The following ATM variants were observed in gnomAD, a reference collection of about 807,000 sequenced individuals.
ATM encodes serine-protein kinase ATM.
A neutral mutation model predicts 387.0 loss-of-function variants in ATM; 308 were observed. The observed-to-expected ratio is 0.80, with a 90% CI of 0.73 to 0.87. The LOEUF is 0.87. ATM is among the 40% of genes least tolerant of loss of function. The pLI, the probability that ATM is intolerant of heterozygous loss-of-function variation, is 0.00. For missense variants in ATM, 3,312 were observed against 3,560.9 expected (o/e 0.93, Z 1.78); for synonymous variants, 1,156 against 1,187.3 (o/e 0.97, Z 0.54).
At chr11:108,356,527 ACT>A (rs1250923138) in intron 61 of ATM, among the ~76,000 whole-genome samples, 1 of 141,152 alleles carries the variant, frequency 7.1e-6, no homozygotes, top group African/African-American at 2.6e-5. Flanking sequence ...CAAGAGCAAG[ACT>A]CTGTCTGTCT....
At chr11:108,360,167 C>T (rs2090543843) in intron 61 of ATM, among the ~76,000 whole-genome samples, 1 of 149,816 alleles carries the variant, frequency 6.7e-6, no homozygotes, top group Admixed American at 6.6e-5. Context: ...ACTACAAACA[C>T]CTCTACGCAA....
At chr11:108,356,526 G>T (rs1488959874) in intron 61 of ATM, among the ~76,000 whole-genome samples, 2 of 129,532 alleles carry the variant, frequency 1.5e-5, no homozygotes, top group Non-Finnish European at 3.2e-5. Flanking sequence ...ACAAGAGCAA[G>T]ACTCTGTCTG....
chr11:108,332,057 G>A lies in ATM; in HGVS notation c.7788+20G>A, dbSNP rs775245736. ...GATGAGGTATTTGGATTAAACATACGTACCTTTTAGAAGTGTGATATTCAG... is the reference window on the plus strand; with the variant it reads ...GATGAGGTATTTGGATTAAACATACATACCTTTTAGAAGTGTGATATTCAG... On this transcript the variant is annotated intron_variant, in intron 52 of 62. Transcript: ENST00000675843. The A allele has an allele frequency of 8.7e-6, 14 of 1,611,888 alleles. No individual in the cohort carries two copies. The highest frequency in any genetic ancestry group is 5.5e-5 in the South Asian group (5 of 90,966).
chr11:108,317,615 T>TTTTATA (rs1225638961), intron 43 of ATM, 94 bp downstream of exon 43: 1 of 211,244 alleles, frequency 4.7e-6, no homozygotes, highest in African/African-American at 4.6e-5. Context: ...AGGAGTTGTT[T>TTTTATA]TATATATATA....
chr11:108,262,339 A>T (rs947275580), intron 16 of ATM, among the ~76,000 whole-genome samples: 1 of 151,618 alleles, frequency 6.6e-6, no homozygotes, highest in Admixed American at 6.5e-5. Flanking sequence ...CAACATTCTT[A>T]AAGAAAAGAA....
chr11:108,362,508 A>G (rs1445021537), intron 61 of ATM, among the ~76,000 whole-genome samples: 2 of 149,788 alleles, frequency 1.3e-5, no homozygotes, highest in African/African-American at 4.9e-5. Context: ...ACGTATGTTT[A>G]TTGCGGCATT....
At chr11:108,226,524 C>T (rs1256668366) in intron 1 of ATM, 1 of 152,114 alleles carries the variant, frequency 6.6e-6, no homozygotes, top group East Asian at 1.9e-4. Flanking sequence ...GCTTCATTTC[C>T]TTTTAAAACA....
chr11:108,332,862 T>G lies in ATM; in HGVS notation c.7889T>G (p.Leu2630Ter). The change falls in exon 53 of 63, where the codon TTA becomes TGA. Residue 2630 changes from leucine (L) to a stop codon, truncating the protein, a stop_gained. Transcript: ENST00000675843. LOFTEE classifies it high-confidence loss of function. ...VEALCDAYII[L>*]ANLDATQWKT... ...GCACTTTGTGATGCTTATATTATAT[T>G]AGCAAACTTAGATGCCACTCAGTGG... is the stretch of plus-strand genomic sequence containing the variant. 6.2e-7 allele frequency: 1 copy of G among 1,612,770 alleles called. No individual in the cohort carries two copies. The highest frequency in any genetic ancestry group is 8.5e-7 in the Non-Finnish European group (1 of 1,179,262).
rs1386851404 is a variant in ATM, at chr11:108,297,109, T to C, written c.4910-178T>C. The C allele has an allele frequency of 1.9e-5, 11 of 587,566 alleles. No individual in the cohort carries two copies. In the East Asian group the frequency reaches 2.9e-4, roughly 15 times the overall value. 36.4% of individuals were successfully genotyped at this position (587,566 alleles called of 1,614,324 possible). Reference sequence around the variant, plus strand: ...ATTGCTAATCACTTTCAAAAGAATCTGTTGTATTAAGGAAGTTCAGATTCA... The same window carrying C: ...ATTGCTAATCACTTTCAAAAGAATCCGTTGTATTAAGGAAGTTCAGATTCA... On this transcript the variant is annotated intron_variant, in intron 32 of 62. Coordinates refer to ENST00000675843, the MANE Select transcript of ATM (RefSeq NM_000051.4).
At chr11:108,351,358 G>A (rs1307007044) in intron 59 of ATM, among the ~76,000 whole-genome samples, 2 of 152,140 alleles carry the variant, frequency 1.3e-5, no homozygotes, top group Admixed American at 1.3e-4. Flanking sequence ...TCACACTTGG[G>A]TGATTTGTAT....
In ATM at chr11:108,229,138, A is replaced by G. The variant is rs1191601006; in HGVS notation, c.186-40A>G. ...CTTTTGAAATTATTATAATTTAAGT[A>G]TTCAACGAGTTTCTGAAATTGCATT... On this transcript the variant is annotated intron_variant, in intron 3 of 62. Transcript: ENST00000675843. The G allele has an allele frequency of 1.3e-6, 2 of 1,580,268 alleles. No homozygotes were observed. Among genetic ancestry groups the G allele is most frequent in the South Asian group, 1.1e-5 (1 of 87,786 alleles).
intron 22 of ATM, among the ~76,000 whole-genome samples, chr11:108,273,462 C>T (rs913853464): frequency 6.7e-6 from 1 of 150,298 alleles, no homozygotes; most frequent in Non-Finnish European, 1.5e-5. Flanking sequence ...CTGCCTCATC[C>T]TCCTGAGTAG....
At chr11:108,348,251 A>T (rs2088710542) in intron 59 of ATM, among the ~76,000 whole-genome samples, 1 of 151,862 alleles carries the variant, frequency 6.6e-6, no homozygotes, top group Non-Finnish European at 1.5e-5. Flanking sequence ...AATATAAAAG[A>T]AAGAGAATAT....
intron 61 of ATM, among the ~76,000 whole-genome samples, chr11:108,362,561 A>T: frequency 6.8e-6 from 1 of 146,880 alleles, no homozygotes; most frequent in African/African-American, 2.7e-5. Flanking sequence ...AATGTCCAAC[A>T]ATGATAGACT....
intron 41 of ATM, 23 bp downstream of exon 41, chr11:108,315,934 A>G (rs2136123214): frequency 6.2e-7 from 1 of 1,607,010 alleles, no homozygotes; most frequent in Non-Finnish European, 8.5e-7. Flanking sequence ...TTTCTAAACA[A>G]CGGTATAGTA....
At chr11:108,334,049 TA>T in intron 54 of ATM, 81 bp downstream of exon 54, 1 of 1,132,174 alleles carries the variant, frequency 8.8e-7, no homozygotes. Flanking sequence ...TATTTTTATG[TA>T]GGTCAAAATT....
chr11:108,241,281 T>C (rs185641122), intron 5 of ATM, among the ~76,000 whole-genome samples: 6 of 152,308 alleles, frequency 3.9e-5, no homozygotes, highest in Non-Finnish European at 1.5e-5. Context: ...TTTGTTTTGT[T>C]TTGTTTTTTA....
rs757293178 is a variant in ATM at position 108,327,757 on chromosome 11, A to T, written c.7088A>T (p.Lys2363Met). The stretch of plus-strand genomic sequence containing the variant: ...GTCATCATGCAGACCTATCTAGAAA[A>T]GGTAAGATTTTTGGAGCAACCCTTA... ...PAVIMQTYLE[K>M]AVEVAGNYDG... Residue 2363 changes from lysine (K) to methionine (M), a missense_variant and splice_region_variant, in exon 48 of 63, where the codon AAG becomes ATG. Coordinates refer to ENST00000675843, the MANE Select transcript of ATM (RefSeq NM_000051.4). 2 of 1,612,602 alleles carry T rather than the reference A, an allele frequency of 1.2e-6. No individual in the cohort carries two copies. Among genetic ancestry groups the T allele is most frequent in the Non-Finnish European group, 1.7e-6 (2 of 1,178,764 alleles).
rs1403885730 is a variant in ATM at position 108,365,237 on chromosome 11, A to T, written c.8987+19A>T. ...ATCTCAGGTGAGCAGTATTTTAAGA[A>T]GGTCCTGTTGTCAGTTTTTCAGATT... is the stretch of plus-strand genomic sequence containing the variant. On this transcript the variant is annotated intron_variant, in intron 62 of 62. Transcript: ENST00000675843. 1 of 1,614,230 alleles carries T rather than the reference A, an allele frequency of 6.2e-7. No individual in the cohort carries two copies. Among genetic ancestry groups the T allele is most frequent in the Non-Finnish European group, 8.5e-7 (1 of 1,180,042 alleles).
Sources: gnomAD v4.1 joint callset for allele counts (sites outside exome capture counted in the v4.1 genomes callset) on GRCh38, gnomAD v4.1.1 for gene constraint, MANE v1.5 for transcripts, NCBI Gene and HGNC (gene_info 2026-07-23, HGNC 2026-07-21) for gene names.